The following CLVS1 variants were observed in gnomAD, a reference collection of about 807,000 sequenced individuals.
CLVS1 encodes the protein clavesin-1.
CLVS1 carries 10 observed loss-of-function variants against 33.1 expected under a neutral mutation model. That is an observed-to-expected ratio of 0.30 (90% CI 0.19 to 0.51). The LOEUF (loss-of-function observed/expected upper bound fraction) is 0.51. CLVS1 is among the 20% of genes least tolerant of loss of function. CLVS1 has a pLI of 0.97. For missense variants in CLVS1, 343 were observed against 433.4 expected (o/e 0.79, Z 1.85); for synonymous variants, 163 against 166.1 (o/e 0.98, Z 0.14).
chr8:61,156,344 C>G (rs2129295776), intron 2 of CLVS1, among the ~76,000 whole-genome samples: 1 of 151,736 alleles, frequency 6.6e-6, no homozygotes, highest in South Asian at 2.1e-4. Flanking sequence ...ATAAAAACCT[C>G]AACCATCTGG....
intron 2 of CLVS1, among the ~76,000 whole-genome samples, chr8:61,262,765 C>A (rs184137513): frequency 1.3e-5 from 2 of 152,074 alleles, no homozygotes; most frequent in African/African-American, 4.8e-5. Context: ...GGGTGGCAGG[C>A]GTTCAGGATG....
intron 5 of CLVS1, among the ~76,000 whole-genome samples, chr8:61,467,629 C>G (rs1817593800): frequency 1.3e-5 from 2 of 152,088 alleles, no homozygotes; most frequent in African/African-American, 4.8e-5. Context: ...CGGACCATAT[C>G]GAAACTGTAT....
chr8:61,382,393 C>T (rs1240310104), intron 3 of CLVS1, among the ~76,000 whole-genome samples: 6 of 152,142 alleles, frequency 3.9e-5, no homozygotes, highest in African/African-American at 1.4e-4. Flanking sequence ...AAAAAGCCAA[C>T]CTGGCTTCCA....
chr8:60,970,910 T>A, the CLVS1 span, among the ~76,000 whole-genome samples: 1 of 151,968 alleles, frequency 6.6e-6, no homozygotes, highest in Non-Finnish European at 1.5e-5. Flanking sequence ...AATTTTTTTA[T>A]CTTTTCTCTT....
chr8:61,003,605 G>A, the CLVS1 span, among the ~76,000 whole-genome samples: 1 of 152,234 alleles, frequency 6.6e-6, no homozygotes, highest in African/African-American at 2.4e-5. Context: ...CCTTATGGTA[G>A]AATCCTGAAC....
chr8:61,301,228 T>C (rs1810421644), intron 2 of CLVS1, among the ~76,000 whole-genome samples: 5 of 152,210 alleles, frequency 3.3e-5, no homozygotes, highest in African/African-American at 1.2e-4. Flanking sequence ...TCTGACCTTC[T>C]TCACATCCTC....
At chr8:61,152,313 T>C (rs148565731) in intron 2 of CLVS1, among the ~76,000 whole-genome samples, 3 of 152,258 alleles carry the variant, frequency 2.0e-5, no homozygotes, top group African/African-American at 7.2e-5. Flanking sequence ...GATCCCATCA[T>C]TAGGGCCCTA....
At chr8:61,089,895 G>C (rs1022918844) in intron 1 of CLVS1, among the ~76,000 whole-genome samples, 1 of 152,166 alleles carries the variant, frequency 6.6e-6, no homozygotes, top group African/African-American at 2.4e-5. Context: ...ACTCAAGCCT[G>C]GGTGACAGAG....
chr8:61,078,174 C>T (rs1249212308), intron 1 of CLVS1, among the ~76,000 whole-genome samples: 2 of 152,158 alleles, frequency 1.3e-5, no homozygotes, highest in Non-Finnish European at 2.9e-5. Context: ...ATAAAAGAAG[C>T]TGTGTGGTAT....
chr8:61,106,358 A>C (rs1049444471), intron 1 of CLVS1, among the ~76,000 whole-genome samples: 1 of 152,244 alleles, frequency 6.6e-6, no homozygotes, highest in African/African-American at 2.4e-5. Flanking sequence ...AAAGATTTCC[A>C]ACAACGTTGA....
At chr8:61,242,309 A>G (rs1486983555) in intron 2 of CLVS1, among the ~76,000 whole-genome samples, 1 of 151,918 alleles carries the variant, frequency 6.6e-6, no homozygotes, top group Non-Finnish European at 1.5e-5. Flanking sequence ...ATTACTCCAC[A>G]TATTTCTGAG....
intron 5 of CLVS1, among the ~76,000 whole-genome samples, chr8:61,461,007 A>G (rs1817347525): frequency 6.6e-6 from 1 of 152,230 alleles, no homozygotes; most frequent in African/African-American, 2.4e-5. Context: ...ACCCAAGTGG[A>G]AAGTTTGCTC....
chr8:61,356,765 T>C lies in CLVS1; in HGVS notation c.456-19840T>C, dbSNP rs1396141177. On this transcript the variant is annotated intron_variant, in intron 2 of 5. Transcript: ENST00000325897. ...TTTCTGAGGGCTCTGTTCTGTTCCA[T>C]TGATCTATATCTCTGTTTTGGTACC... Among the ~76,000 whole-genome samples, 4 of 152,240 alleles carry C rather than the reference T, an allele frequency of 2.6e-5. No homozygotes were observed. The South Asian group carries it at 8.3e-4, about 32-fold the overall frequency.
chr8:60,992,240 C>T, the CLVS1 span, among the ~76,000 whole-genome samples: 1 of 152,236 alleles, frequency 6.6e-6, no homozygotes, highest in Non-Finnish European at 1.5e-5. Context: ...TTTTACTCAT[C>T]TGTAAACTCC....
At chr8:61,223,225 GC>G (rs1808258579) in intron 2 of CLVS1, among the ~76,000 whole-genome samples, 2 of 152,134 alleles carry the variant, frequency 1.3e-5, no homozygotes, top group African/African-American at 4.8e-5. Flanking sequence ...TCATCAAGAT[GC>G]TATTTGGTTA....
chr8:61,388,070 T>C (rs1585899319), intron 3 of CLVS1, among the ~76,000 whole-genome samples: 1 of 152,056 alleles, frequency 6.6e-6, no homozygotes, highest in East Asian at 1.9e-4. Flanking sequence ...TAAGGTACAT[T>C]GAGAGAACTA....
At chr8:61,166,924 G>GT (rs1444371878) in intron 2 of CLVS1, among the ~76,000 whole-genome samples, 1 of 129,774 alleles carries the variant, frequency 7.7e-6, no homozygotes, top group African/African-American at 2.9e-5. Context: ...TTTGGATCCT[G>GT]TTTTTTCCAT....
At position 61,185,303 on chromosome 8, in the gene CLVS1, G is replaced by A. The variant is rs111672541; in HGVS notation, c.-152+53443G>A. On this transcript the variant is annotated intron_variant, in intron 2 of 2. Transcript: ENST00000522621. ...ATTACAAGCACACACCACCATGCCC[G>A]GCTAATTTTTTTTTTTTTTTTGCAT... Among the ~76,000 whole-genome samples, 166 of 112,198 alleles carry A rather than the reference G, an allele frequency of 1.5e-3. 2 individuals carry two copies. Among genetic ancestry groups the A allele is most frequent in the African/African-American group, 5.2e-3 (162 of 31,032 alleles). 73.6% of individuals were successfully genotyped at this position (112,198 alleles called of 152,430 possible).
rs1006390551 is a variant in CLVS1, at chr8:61,192,517, G to C, written c.-152+60657G>C. ...AGCAATGGCAACAAAAGCTAATATTGTCAAATACGATCTAATTAAAGAGCT... is the reference window on the plus strand; with the variant it reads ...AGCAATGGCAACAAAAGCTAATATTCTCAAATACGATCTAATTAAAGAGCT... On this transcript the variant is annotated intron_variant, in intron 2 of 2. Transcript: ENST00000522621. Among the ~76,000 whole-genome samples the C allele has an allele frequency of 2.0e-5, 3 of 152,104 alleles. 1 individual carries two copies. The highest frequency in any genetic ancestry group is 7.2e-5 in the African/African-American group (3 of 41,416).
Sources: gnomAD v4.1 joint callset for allele counts (sites outside exome capture counted in the v4.1 genomes callset) on GRCh38, gnomAD v4.1.1 for gene constraint, MANE v1.5 for transcripts, NCBI Gene and HGNC (gene_info 2026-07-23, HGNC 2026-07-21) for gene names.